Variants in ZNF385A observed in about 807,000 individuals in gnomAD.
The protein encoded by ZNF385A is zinc finger protein 385A.
Under a neutral mutation model 32.1 loss-of-function variants are expected in ZNF385A, and 14 were observed. That is an observed-to-expected ratio of 0.44 (90% CI 0.29 to 0.68). ZNF385A has a LOEUF of 0.68. Ranked by LOEUF, ZNF385A falls within the 30% of genes least tolerant of loss-of-function variation. The probability of loss-of-function intolerance (pLI) is 0.14; values close to 1 mark genes in which losing one functional copy is unlikely to be tolerated. For missense variants in ZNF385A, 406 were observed against 478.4 expected (o/e 0.85, Z 1.41); for synonymous variants, 197 against 202.7 (o/e 0.97, Z 0.24).
upstream of ZNF385A, chr12:54,385,524 C>G (rs748977808): frequency 3.4e-6 from 2 of 582,140 alleles, no homozygotes; most frequent in Non-Finnish European, 4.3e-6. Flanking sequence ...CTTCACTGCT[C>G]CAGTAACCCC....
At chr12:54,375,975 G>A (rs1432383992) in intron 1 of ZNF385A, 21 bp from the exon 2 acceptor site, 15 of 1,600,140 alleles carry the variant, frequency 9.4e-6, no homozygotes, top group African/African-American at 4.0e-5. Context: ...AGGCTGGGGT[G>A]AGCCGGGAAC....
intron 1 of ZNF385A, 145 bp downstream of exon 1, chr12:54,384,283 A>G (rs752136134): frequency 3.8e-6 from 4 of 1,039,802 alleles, no homozygotes; most frequent in Admixed American, 3.3e-5. Context: ...GATGGCCCAC[A>G]ATACTCAAAA....
rs111543671 is a variant in ZNF385A at position 54,371,977 on chromosome 12, T to A, written c.362-262A>T. On this transcript the variant is annotated intron_variant, in intron 3 of 6. Transcript: ENST00000394313. ...CAGCCTCACCAGCCTACCTTCAGGG[T>A]GAAGCTGGCAGCCAGCCCAGCCAGG... Among the ~76,000 whole-genome samples, 175 of 152,214 alleles carry A rather than the reference T, an allele frequency of 1.1e-3. 1 individual carries two copies. The highest frequency in any genetic ancestry group is 4.0e-3 in the African/African-American group (165 of 41,528).
upstream of ZNF385A, chr12:54,385,842 G>A (rs1955455643): frequency 1.7e-5 from 3 of 175,528 alleles, no homozygotes; most frequent in Admixed American, 2.0e-4. Flanking sequence ...TCCTGGAAAA[G>A]TGGGGCAGAG....
chr12:54,384,710 G>T lies in ZNF385A; in HGVS notation c.-196C>A, dbSNP rs1955377931. On this transcript the variant is annotated 5_prime_UTR_variant, in exon 1 of 7. Transcript: ENST00000394313. ...ACATAGTGTACACACTTCCCCTGCT[G>T]GCTCCAGAGCAATGGAGCACAGTGC... 1.5e-6 allele frequency: 2 copies of T among 1,350,092 alleles called. No individual in the cohort carries two copies. The highest frequency in any genetic ancestry group is 3.0e-5 in the African/African-American group (2 of 65,772). 83.6% of individuals were successfully genotyped at this position (1,350,092 alleles called of 1,614,324 possible). A position where few individuals can be genotyped will look rare whatever the true frequency, so the allele number is the denominator to read the frequency against.
chr12:54,386,356 CAG>C (rs1038253430), upstream of ZNF385A, among the ~76,000 whole-genome samples: 5 of 152,180 alleles, frequency 3.3e-5, no homozygotes, highest in African/African-American at 9.6e-5. Context: ...GACATACAAA[CAG>C]AGAGACACTG....
Position 54,371,016 on chromosome 12 carries a change from G to A in ZNF385A, c.685C>T (p.Pro229Ser), listed in dbSNP as rs1565611409. 1 of 1,614,218 alleles carries A rather than the reference G, an allele frequency of 6.2e-7. No individual in the cohort carries two copies. Among genetic ancestry groups the A allele is most frequent in the Non-Finnish European group, 8.5e-7 (1 of 1,180,028 alleles). Residue 229 changes from proline to serine, a missense_variant, in exon 5 of 7, where the codon CCG (proline) becomes TCG (serine). Physicochemically the swap from Pro to Ser is moderately conservative, Grantham distance 74. Transcript: ENST00000394313. ...TGGGCAGGAGCCTCTGGTTCCCCCG[G>A]GGTGGGAGGCCCCAGCCGAGGGTAA... The part of the protein sequence containing the change: ...KAYPRLGPPT[P>S]GEPEAPAQDR...
At position 54,384,542 on chromosome 12, in the gene ZNF385A, G is replaced by A; in HGVS notation, c.-28C>T. On this transcript the variant is annotated 5_prime_UTR_variant, in exon 1 of 7. Coordinates refer to ENST00000394313, the MANE Select transcript of ZNF385A (RefSeq NM_015481.3). Reference sequence around the variant, plus strand: ...TCGGGGGCTGCCGTAGCAGAGGCAGGGGCCCTGCCCGGCTCAGGCTGCCTG... The same window carrying A: ...TCGGGGGCTGCCGTAGCAGAGGCAGAGGCCCTGCCCGGCTCAGGCTGCCTG... 8.7e-6 allele frequency: 13 copies of A among 1,500,900 alleles called. No homozygotes were observed. Among genetic ancestry groups the A allele is most frequent in the Non-Finnish European group, 1.2e-5 (13 of 1,126,654 alleles). The allele number at this position is 1,500,900 out of a possible 1,614,324, so 93.0% of individuals were successfully genotyped here.
Position 54,373,866 on chromosome 12 carries a change from T to C in ZNF385A, c.361+107A>G, listed in dbSNP as rs914601470. The stretch of plus-strand genomic sequence containing the variant: ...CTCACCTTGGGTGGGGGTGGGGGTA[T>C]AGGGACTGAGGAAGAGAGAGATGGA... On this transcript the variant is annotated intron_variant, in intron 3 of 6. Coordinates refer to ENST00000394313, the MANE Select transcript of ZNF385A (RefSeq NM_015481.3). 8.0e-6 allele frequency: 10 copies of C among 1,255,982 alleles called. No individual in the cohort carries two copies. In the African/African-American group the frequency reaches 1.4e-4, roughly 17 times the overall value. The allele number at this position is 1,255,982 out of a possible 1,614,324, so 77.8% of individuals were successfully genotyped here. A position where few individuals can be genotyped will look rare whatever the true frequency, so the allele number is the denominator to read the frequency against.
chr12:54,385,548 G>A (rs1955436407), upstream of ZNF385A: 1 of 772,582 alleles, frequency 1.3e-6, no homozygotes, highest in Non-Finnish European at 1.6e-6. Context: ...ACAGCAACAG[G>A]GGTTCCCAGG....
chr12:54,387,633 A>T (rs1290089653), upstream of ZNF385A, among the ~76,000 whole-genome samples: 1 of 152,214 alleles, frequency 6.6e-6, no homozygotes, highest in Non-Finnish European at 1.5e-5. Context: ...TCTCAGTCTC[A>T]TTTCTCATCT....
upstream of ZNF385A, among the ~76,000 whole-genome samples, chr12:54,389,553 C>T (rs1001881692): frequency 2.6e-5 from 4 of 152,196 alleles, no homozygotes; most frequent in Non-Finnish European, 5.9e-5. Flanking sequence ...AGGAATTATT[C>T]CTGTGGCTGG....
intron 1 of ZNF385A, among the ~76,000 whole-genome samples, chr12:54,382,632 C>T (rs765340326): frequency 1.3e-5 from 2 of 152,166 alleles, no homozygotes; most frequent in African/African-American, 2.4e-5. Flanking sequence ...CAGATAGAAA[C>T]ATCTGCTACA....
At chr12:54,378,600 C>A (rs1006856806) in intron 1 of ZNF385A, among the ~76,000 whole-genome samples, 20 of 152,192 alleles carry the variant, frequency 1.3e-4, no homozygotes, top group African/African-American at 4.8e-4. Flanking sequence ...ACTTCCCCAC[C>A]CACCAAAATT....
At chr12:54,382,789 A>G (rs1039636838) in intron 1 of ZNF385A, among the ~76,000 whole-genome samples, 1 of 152,056 alleles carries the variant, frequency 6.6e-6, no homozygotes, top group Non-Finnish European at 1.5e-5. Context: ...TCTGTAGAAC[A>G]TTTTGGGCTC....
upstream of ZNF385A, among the ~76,000 whole-genome samples, chr12:54,388,999 G>A (rs995373365): frequency 3.9e-5 from 6 of 152,132 alleles, no homozygotes; most frequent in African/African-American, 7.2e-5. Flanking sequence ...GGATGTGGGC[G>A]GGGACTGGGC....
chr12:54,375,967 G>A lies in ZNF385A; in HGVS notation c.88-13C>T, dbSNP rs565168005. The A allele has an allele frequency of 6.2e-7, 1 of 1,609,670 alleles. No individual in the cohort carries two copies. The highest frequency in any genetic ancestry group is 2.2e-5 in the East Asian group (1 of 44,868). On this transcript the variant is annotated splice_polypyrimidine_tract_variant and intron_variant, in intron 1 of 6. Coordinates refer to ENST00000394313, the MANE Select transcript of ZNF385A (RefSeq NM_015481.3). ...GCACAGGGTCCATCTGTGGAGGCAG[G>A]CTGGGGTGAGCCGGGAACCCTAGCG...
At chr12:54,376,479 G>A (rs1450354141) in intron 1 of ZNF385A, among the ~76,000 whole-genome samples, 1 of 152,138 alleles carries the variant, frequency 6.6e-6, no homozygotes, top group African/African-American at 2.4e-5. Context: ...TGGATCCCTG[G>A]TCGCCCTAAC....
At chr12:54,390,144 G>C (rs1211277550) in intron 1 of ZNF385A, among the ~76,000 whole-genome samples, 1 of 152,096 alleles carries the variant, frequency 6.6e-6, no homozygotes, top group Non-Finnish European at 1.5e-5. Flanking sequence ...TCCTCGGTTG[G>C]GGGCAGGGAG....
Sources: allele counts gnomAD v4.1 joint callset (sites outside exome capture counted in the v4.1 genomes callset), GRCh38; gene constraint gnomAD v4.1.1; transcripts MANE v1.5; gene names NCBI Gene and HGNC (gene_info 2026-07-23, HGNC 2026-07-21).